Variants in MYO1E observed in about 807,000 individuals in gnomAD.
MYO1E encodes the protein myosin IE, also known as unconventional myosin-Ie.
Under a neutral mutation model 151.1 loss-of-function variants are expected in MYO1E, and 68 were observed. The observed-to-expected ratio is 0.45, with a 90% CI of 0.37 to 0.55. MYO1E has a LOEUF of 0.55. MYO1E is among the 20% of genes least tolerant of loss of function. The pLI, the probability that MYO1E is intolerant of heterozygous loss-of-function variation, is 0.00. For missense variants in MYO1E, 1,363 were observed against 1,389.3 expected, an observed-to-expected ratio of 0.98 and a Z score of 0.30; for synonymous variants, 601 against 501.7, an observed-to-expected ratio of 1.20 and a Z score of -2.64.
chr15:59,348,382 C>A (rs1312599879), intron 1 of MYO1E, among the ~76,000 whole-genome samples: 2 of 152,204 alleles, frequency 1.3e-5, no homozygotes, highest in Admixed American at 1.3e-4. Flanking sequence ...GATCAGTTTG[C>A]ATTTGGTGTT....
At position 59,256,362 on chromosome 15, in the gene MYO1E, G is replaced by A. The variant is rs761612504; in HGVS notation, c.254C>T (p.Pro85Leu). The part of the protein sequence containing the change: ...MYQGAAQYEN[P>L]PHIYALADNM... ...ATCTGCAAGGGCATAGATATGTGGT[G>A]GGTTTTCATACTGTGCCTAGAAAAG... Residue 85 changes from proline (P) to leucine (L), a missense_variant, in exon 4 of 28, where the codon CCA becomes CTA. Pro to Leu is a moderately conservative substitution (Grantham distance 98). Coordinates refer to ENST00000288235, the MANE Select transcript of MYO1E (RefSeq NM_004998.4). 3.7e-6 allele frequency: 6 copies of A among 1,610,864 alleles called. No individual in the cohort carries two copies. The East Asian group carries it at 8.9e-5, about 24-fold the overall frequency.
At chr15:59,314,867 G>C (rs560723429) in intron 1 of MYO1E, among the ~76,000 whole-genome samples, 1 of 152,284 alleles carries the variant, frequency 6.6e-6, no homozygotes, top group African/African-American at 2.4e-5. Flanking sequence ...GGGCTGAGGA[G>C]GAGGCAGCTT....
intron 27 of MYO1E, 72 bp downstream of exon 27, chr15:59,138,126 A>T: frequency 1.3e-6 from 2 of 1,566,956 alleles, no homozygotes; most frequent in Non-Finnish European, 1.8e-6. Context: ...TTTCATTTTC[A>T]CACTAGATCT....
intron 16 of MYO1E, among the ~76,000 whole-genome samples, chr15:59,201,401 A>ATTTTTTTT (rs35807865): frequency 8.8e-5 from 10 of 113,208 alleles, no homozygotes; most frequent in African/African-American, 3.2e-4. Flanking sequence ...GCTGACACAG[A>ATTTTTTTT]TTTTTTTTTT....
At chr15:59,368,654 G>T (rs1182567240) in intron 1 of MYO1E, among the ~76,000 whole-genome samples, 2 of 152,152 alleles carry the variant, frequency 1.3e-5, no homozygotes, top group African/African-American at 4.8e-5. Context: ...GCTGAGGCAG[G>T]AGAATCGTTT....
intron 1 of MYO1E, among the ~76,000 whole-genome samples, chr15:59,352,947 ATAACGT>A (rs1433801542): frequency 6.6e-6 from 1 of 152,238 alleles, no homozygotes; most frequent in African/African-American, 2.4e-5. Context: ...TGAGTGATTT[ATAACGT>A]TAAGATCGAC....
intron 14 of MYO1E, 24 bp from the exon 15 acceptor site, chr15:59,205,509 G>GAATTTCATTGAACAAAATTT (rs2079827881): frequency 1.3e-6 from 2 of 1,531,052 alleles, no homozygotes; most frequent in African/African-American, 2.8e-5. Flanking sequence ...GAAAGAAATC[G>GAATTTCATTGAACAAAATTT]AATTTCATTG....
chr15:59,149,273 G>T (rs1246628869), intron 26 of MYO1E, among the ~76,000 whole-genome samples: 1 of 152,046 alleles, frequency 6.6e-6, no homozygotes, highest in East Asian at 1.9e-4. Flanking sequence ...AATCAGGATG[G>T]TCTTGATCTC....
chr15:59,270,560 GAAAAGAA>G (rs2080283573), intron 2 of MYO1E, among the ~76,000 whole-genome samples: 1 of 134,728 alleles, frequency 7.4e-6, no homozygotes, highest in South Asian at 2.3e-4. Context: ...AAAAAAAAAA[GAAAAGAA>G]AAAAGAAAAA....
chr15:59,318,679 G>T (rs1490015415), intron 1 of MYO1E, among the ~76,000 whole-genome samples: 1 of 152,170 alleles, frequency 6.6e-6, no homozygotes, highest in Admixed American at 6.5e-5. Context: ...CCAGAATGTT[G>T]ACTAAAAATA....
chr15:59,233,776 G>A (rs1231508782), intron 5 of MYO1E, among the ~76,000 whole-genome samples: 3 of 149,108 alleles, frequency 2.0e-5, no homozygotes, highest in African/African-American at 7.4e-5. Flanking sequence ...CAAGTGGACT[G>A]AACCACATGA....
At chr15:59,243,793 C>T (rs1487709913) in intron 4 of MYO1E, among the ~76,000 whole-genome samples, 1 of 146,544 alleles carries the variant, frequency 6.8e-6, no homozygotes, top group African/African-American at 2.4e-5. Flanking sequence ...AATAAATAGC[C>T]TACATCACTG....
Position 59,137,303 on chromosome 15 carries a change from A to G in MYO1E, c.*77T>C. 7.7e-7 allele frequency: 1 copy of G among 1,301,104 alleles called. No homozygotes were observed. The highest frequency in any genetic ancestry group is 1.2e-5 in the South Asian group (1 of 84,362). 80.6% of individuals were successfully genotyped at this position (1,301,104 alleles called of 1,614,324 possible). ...AAGCAATTGCTCATTGTGGATTGTAAGGGGAGCCCCTAAATATCCCCTCCC... is the reference window on the plus strand; with the variant it reads ...AAGCAATTGCTCATTGTGGATTGTAGGGGGAGCCCCTAAATATCCCCTCCC... On this transcript the variant is annotated 3_prime_UTR_variant, in exon 28 of 28. Transcript: ENST00000288235.
intron 1 of MYO1E, among the ~76,000 whole-genome samples, chr15:59,367,136 A>G (rs908084179): frequency 1.3e-4 from 20 of 152,180 alleles, no homozygotes; most frequent in African/African-American, 4.8e-4. Context: ...TGCTTGTTGA[A>G]GCAGATAAAA....
chr15:59,308,787 G>A (rs923980328), intron 1 of MYO1E, among the ~76,000 whole-genome samples: 6 of 150,720 alleles, frequency 4.0e-5, no homozygotes, highest in South Asian at 2.1e-4. Flanking sequence ...CACAGTGAGC[G>A]GTAATTGTGC....
intron 1 of MYO1E, among the ~76,000 whole-genome samples, chr15:59,357,267 G>C (rs1363029911): frequency 6.6e-6 from 1 of 152,008 alleles, no homozygotes; most frequent in African/African-American, 2.4e-5. Context: ...AAACAACGAG[G>C]GGAGGTGGGA....
intron 1 of MYO1E, among the ~76,000 whole-genome samples, chr15:59,349,584 C>T (rs1199818047): frequency 6.6e-6 from 1 of 152,130 alleles, no homozygotes; most frequent in Non-Finnish European, 1.5e-5. Context: ...AGCAAACTAT[C>T]CTGCCCAAAT....
chr15:59,206,622 A>G, intron 14 of MYO1E: 1 of 317,744 alleles, frequency 3.1e-6, no homozygotes, highest in South Asian at 6.6e-5. Flanking sequence ...CATTCATATT[A>G]AAAATAAAAA....
chr15:59,141,723 G>A (rs371520353), intron 26 of MYO1E, among the ~76,000 whole-genome samples: 7 of 151,318 alleles, frequency 4.6e-5, no homozygotes, highest in East Asian at 1.9e-4. Context: ...GCTTGAACCC[G>A]GGAGATGGAG....
Sources: gnomAD v4.1 joint callset for allele counts (sites outside exome capture counted in the v4.1 genomes callset) on GRCh38, gnomAD v4.1.1 for gene constraint, MANE v1.5 for transcripts, NCBI Gene and HGNC (gene_info 2026-07-23, HGNC 2026-07-21) for gene names.